COL21A1: variants seen among roughly 807,000 people sequenced by gnomAD.
COL21A1 encodes collagen type XXI alpha 1 chain.
In COL21A1, 149 loss-of-function variants were observed where a neutral mutation model predicts 137.9. That is an observed-to-expected ratio of 1.08 (90% CI 0.95 to 1.24). The LOEUF (loss-of-function observed/expected upper bound fraction) is 1.24. Ranked by LOEUF, COL21A1 falls within the 50% of genes most tolerant of loss-of-function variation. COL21A1 has a pLI of 0.00. For missense variants in COL21A1, 1,167 were observed against 1,158.4 expected (o/e 1.01, Z -0.11); for synonymous variants, 456 against 391.5 (o/e 1.16, Z -1.95).
At chr6:56,129,945 T>C (rs1000828069) in intron 12 of COL21A1, among the ~76,000 whole-genome samples, 7 of 149,508 alleles carry the variant, frequency 4.7e-5, no homozygotes, top group African/African-American at 9.9e-5. Context: ...TTTGAATATA[T>C]ATATTCAAAG....
intron 17 of COL21A1, among the ~76,000 whole-genome samples, chr6:56,084,445 A>G (rs1768054218): frequency 6.6e-6 from 1 of 151,980 alleles, no homozygotes; most frequent in African/African-American, 2.4e-5. Context: ...TAAATGAGTA[A>G]CAATTGTTAC....
Position 56,180,113 on chromosome 6 carries a change from CGGA to C in COL21A1, c.102_104del (p.Pro35del), listed in dbSNP as rs1561954805. The C allele has an allele frequency of 6.2e-7, 1 of 1,610,200 alleles. No homozygotes were observed. On this transcript the variant is annotated inframe_deletion, in exon 3 of 30. Coordinates refer to ENST00000244728, the MANE Select transcript of COL21A1 (RefSeq NM_030820.4). ...CATCTAAGATGAAAACTAAATCTGT[CGGA>C]GCAGTACGACAACCTAAGTGCAAAA...
rs1778350311 is a variant in COL21A1 at position 56,187,033 on chromosome 6, T to TA, written c.-38-4378dup. 3.3e-5 allele frequency among the ~76,000 whole-genome samples: 5 copies of TA among 152,378 alleles called. No homozygotes were observed. The South Asian group carries it at 1.0e-3, about 32-fold the overall frequency. On this transcript the variant is annotated intron_variant, in intron 1 of 29. Transcript: ENST00000244728. ...TATGTCAGTCTGCTTTCTGTTGTTA[T>TA]AACTCAATACCTGAGATGGAGTAAT...
At chr6:56,329,645 T>C (rs9396203) in intron 1 of COL21A1, among the ~76,000 whole-genome samples, 35,289 of 151,944 alleles carry the variant, frequency 0.23, 5,097 homozygotes, top group Middle Eastern at 0.42. Flanking sequence ...TATGCCGAGA[T>C]AGTCCCACAA....
intron 1 of COL21A1, among the ~76,000 whole-genome samples, chr6:56,227,034 AAG>A (rs1781247010): frequency 6.6e-6 from 1 of 151,930 alleles, no homozygotes; most frequent in African/African-American, 2.4e-5. Flanking sequence ...CAAACGAACT[AAG>A]AGAGCAACTT....
At chr6:56,392,352 T>G (rs1048460617) in intron 1 of COL21A1, among the ~76,000 whole-genome samples, 1 of 151,986 alleles carries the variant, frequency 6.6e-6, no homozygotes, top group African/African-American at 2.4e-5. Flanking sequence ...CTCAACAATA[T>G]AAAAGCCATA....
intron 1 of COL21A1, among the ~76,000 whole-genome samples, chr6:56,215,899 G>A (rs1290994840): frequency 6.6e-6 from 1 of 151,960 alleles, no homozygotes; most frequent in Non-Finnish European, 1.5e-5. Flanking sequence ...TTTCCTGTAA[G>A]GTATTACATA....
chr6:56,065,194 A>G (rs1258483666), intron 23 of COL21A1, among the ~76,000 whole-genome samples: 1 of 152,106 alleles, frequency 6.6e-6, no homozygotes, highest in East Asian at 1.9e-4. Context: ...ACATTATGCT[A>G]GACTCTGAAG....
intron 1 of COL21A1, among the ~76,000 whole-genome samples, chr6:56,390,871 T>A (rs1181571137): frequency 6.6e-6 from 1 of 152,116 alleles, no homozygotes; most frequent in African/African-American, 2.4e-5. Flanking sequence ...TCAATAATTG[T>A]TGGGAACCTC....
chr6:56,149,307 G>T (rs148730184), intron 10 of COL21A1, among the ~76,000 whole-genome samples: 4 of 152,014 alleles, frequency 2.6e-5, no homozygotes, highest in African/African-American at 9.7e-5. Flanking sequence ...CTAATAAAAA[G>T]AAAACATTAC....
At chr6:56,197,034 C>A (rs2152294888) in intron 1 of COL21A1, among the ~76,000 whole-genome samples, 1 of 152,094 alleles carries the variant, frequency 6.6e-6, no homozygotes, top group South Asian at 2.1e-4. Flanking sequence ...AAAACAGATG[C>A]ACAAACCACT....
intron 17 of COL21A1, chr6:56,091,538 C>A (rs1315200854): frequency 3.3e-5 from 5 of 152,612 alleles, no homozygotes; most frequent in Admixed American, 2.0e-4. Context: ...TTCTCCTTTT[C>A]ATGGAGCTCC....
intron 1 of COL21A1, among the ~76,000 whole-genome samples, chr6:56,349,084 C>G (rs1765656481): frequency 6.6e-6 from 1 of 152,070 alleles, no homozygotes; most frequent in South Asian, 2.1e-4. Flanking sequence ...GAGAAAAGAG[C>G]AAAGAATAGC....
At chr6:56,278,070 C>T (rs754559991) in intron 1 of COL21A1, among the ~76,000 whole-genome samples, 84 of 152,134 alleles carry the variant, frequency 5.5e-4, no homozygotes, top group Non-Finnish European at 1.0e-3. Context: ...TTCAAAACAA[C>T]TTTGGATATT....
At chr6:56,153,141 G>C (rs981009318) in intron 10 of COL21A1, among the ~76,000 whole-genome samples, 2 of 152,146 alleles carry the variant, frequency 1.3e-5, no homozygotes, top group Non-Finnish European at 2.9e-5. Context: ...AATGGGGGTC[G>C]AAGATAAATA....
intron 1 of COL21A1, among the ~76,000 whole-genome samples, chr6:56,309,091 G>A (rs1403065935): frequency 1.3e-5 from 2 of 151,268 alleles, no homozygotes; most frequent in African/African-American, 2.4e-5. Context: ...TCGCCCGGCT[G>A]GAGTATAGTG....
At chr6:56,211,714 TAAAC>T (rs1031536313) in intron 1 of COL21A1, among the ~76,000 whole-genome samples, 1 of 152,114 alleles carries the variant, frequency 6.6e-6, no homozygotes, top group African/African-American at 2.4e-5. Flanking sequence ...CCATTTTTTT[TAAAC>T]AAACGCTATT....
chr6:56,304,265 T>G (rs1404975147), intron 1 of COL21A1, among the ~76,000 whole-genome samples: 4 of 151,926 alleles, frequency 2.6e-5, no homozygotes, highest in Admixed American at 2.0e-4. Context: ...TTAGGGAGGA[T>G]TCCCTCTTTT....
chr6:56,061,898 A>G (rs1012211280), intron 24 of COL21A1, among the ~76,000 whole-genome samples: 1 of 152,110 alleles, frequency 6.6e-6, no homozygotes, highest in Non-Finnish European at 1.5e-5. Flanking sequence ...AATTTGCTTA[A>G]CTGTTTCCTT....
Sources: allele counts gnomAD v4.1 joint callset (sites outside exome capture counted in the v4.1 genomes callset), GRCh38; gene constraint gnomAD v4.1.1; transcripts MANE v1.5; gene names NCBI Gene and HGNC (gene_info 2026-07-23, HGNC 2026-07-21).